Variants in SMAD9 observed in about 807,000 individuals in gnomAD.
SMAD9 encodes MAD homolog 9.
SMAD9 carries 36 observed loss-of-function variants against 46.1 expected under a neutral mutation model. The observed-to-expected ratio is 0.78, with a 90% CI of 0.60 to 1.03. The LOEUF (loss-of-function observed/expected upper bound fraction) is 1.03, where lower values mean the gene tolerates loss of function less well. Among genes scored for constraint, SMAD9 ranks in the 50% least tolerant of loss-of-function variants. SMAD9 has a pLI of 0.00. For missense variants in SMAD9, 572 were observed against 599.8 expected (o/e 0.95, Z 0.48); for synonymous variants, 245 against 237.1 (o/e 1.03, Z -0.31).
intron 5 of SMAD9, among the ~76,000 whole-genome samples, chr13:36,861,974 TAATCTC>T (rs1361957600): frequency 2.6e-5 from 4 of 151,882 alleles, no homozygotes; most frequent in African/African-American, 9.7e-5. Flanking sequence ...ACCGTCTAAT[TAATCTC>T]AATAGAACAG....
chr13:36,913,795 A>T (rs1270016224), intron 1 of SMAD9, among the ~76,000 whole-genome samples: 1 of 152,234 alleles, frequency 6.6e-6, no homozygotes, highest in African/African-American at 2.4e-5. Context: ...AAGAATGACT[A>T]AATGCATAAA....
At chr13:36,856,311 C>T (rs1192109872) in intron 5 of SMAD9, among the ~76,000 whole-genome samples, 1 of 152,182 alleles carries the variant, frequency 6.6e-6, no homozygotes, top group Non-Finnish European at 1.5e-5. Context: ...CTCTCAAAAC[C>T]TATTACATAA....
At chr13:36,859,350 G>A (rs947239412) in intron 5 of SMAD9, among the ~76,000 whole-genome samples, 7 of 152,168 alleles carry the variant, frequency 4.6e-5, no homozygotes, top group Non-Finnish European at 1.0e-4. Context: ...TCCGTCTTGA[G>A]TAGAAGCTGG....
chr13:36,851,395 AATGAGGCCCACCCTC>A (rs2058073587), intron 6 of SMAD9, among the ~76,000 whole-genome samples: 1 of 151,944 alleles, frequency 6.6e-6, no homozygotes, highest in Admixed American at 6.6e-5. Context: ...TCACCTTTTC[AATGAGGCCCACCCTC>A]ATGTGCAGAT....
chr13:36,919,926 C>A (rs1312350771), intron 1 of SMAD9, among the ~76,000 whole-genome samples, 190 bp downstream of exon 1: 1 of 151,378 alleles, frequency 6.6e-6, no homozygotes, highest in Non-Finnish European at 1.5e-5. Context: ...CCAGGCTGCC[C>A]CGAGGACGAA....
chr13:36,852,910 T>C (rs1034381254), intron 6 of SMAD9, among the ~76,000 whole-genome samples: 1 of 152,364 alleles, frequency 6.6e-6, no homozygotes, highest in Non-Finnish European at 1.5e-5. Flanking sequence ...TCAAAAGTAA[T>C]GTGTAACAAT....
chr13:36,905,445 C>T (rs2058610999), intron 1 of SMAD9, among the ~76,000 whole-genome samples: 1 of 151,966 alleles, frequency 6.6e-6, no homozygotes, highest in Non-Finnish European at 1.5e-5. Flanking sequence ...AAAGGCAGAA[C>T]TGGAGCCGTT....
At position 36,872,673 on chromosome 13, in the gene SMAD9, G is replaced by A. The variant is rs769704107; in HGVS notation, c.655C>T (p.Pro219Ser). ...SPGSPSEPES[P>S]YQHSVDTPPL... is the part of the protein sequence containing the mutation. ...TCTTACTGACCTGAGTGTTGATAGG[G>A]ACTCTCTGGCTCAGAAGGACTTCCT... is the stretch of plus-strand genomic sequence containing the variant. The change falls in exon 3 of 7, where the codon CCC becomes TCC. Residue 219 changes from proline (P) to serine (S), a missense_variant. Transcript: ENST00000379826. The A allele has an allele frequency of 1.2e-6, 2 of 1,613,888 alleles. No homozygotes were observed. Among genetic ancestry groups the A allele is most frequent in the Admixed American group, 3.3e-5 (2 of 59,980 alleles).
chr13:36,904,713 T>C (rs750428597), intron 1 of SMAD9, among the ~76,000 whole-genome samples: 2 of 152,230 alleles, frequency 1.3e-5, no homozygotes, highest in African/African-American at 2.4e-5. Flanking sequence ...CATATTTCTA[T>C]TTTCACTTGG....
At chr13:36,873,286 C>A (rs568087015) in intron 2 of SMAD9, among the ~76,000 whole-genome samples, 18 of 152,308 alleles carry the variant, frequency 1.2e-4, no homozygotes, top group African/African-American at 4.3e-4. Context: ...CTTCTGGCAA[C>A]CTGATTGTTA....
chr13:36,884,674 A>G (rs183674474), intron 1 of SMAD9, among the ~76,000 whole-genome samples: 438 of 152,302 alleles, frequency 2.9e-3, no homozygotes, highest in Non-Finnish European at 4.7e-3. Context: ...CTTTAAGTTG[A>G]CGGTTTTAAA....
intron 1 of SMAD9, among the ~76,000 whole-genome samples, chr13:36,892,160 A>G (rs2058493354): frequency 6.6e-6 from 1 of 152,192 alleles, no homozygotes; most frequent in South Asian, 2.1e-4. Context: ...GAAAACTTAA[A>G]CTGGAGCCAC....
chr13:36,869,517 C>T (rs940735408), intron 3 of SMAD9, among the ~76,000 whole-genome samples: 5 of 152,040 alleles, frequency 3.3e-5, no homozygotes, highest in South Asian at 2.1e-4. Context: ...CCACTGCACC[C>T]GGCTAGACTG....
At chr13:36,867,414 T>A in intron 3 of SMAD9, 31 bp from the exon 4 acceptor site, 1 of 1,406,628 alleles carries the variant, frequency 7.1e-7, no homozygotes, top group Non-Finnish European at 9.8e-7. Flanking sequence ...AAAGGAATTG[T>A]CAAATCGATA....
intron 3 of SMAD9, among the ~76,000 whole-genome samples, chr13:36,871,659 T>C (rs1041031172): frequency 7.9e-5 from 12 of 152,140 alleles, no homozygotes; most frequent in African/African-American, 2.7e-4. Flanking sequence ...ATGGGGAAAA[T>C]AGACACACAG....
At chr13:36,899,030 C>CA (rs972237000) in intron 1 of SMAD9, among the ~76,000 whole-genome samples, 19 of 150,396 alleles carry the variant, frequency 1.3e-4, no homozygotes, top group Admixed American at 2.7e-4. Context: ...AGAAATCTAC[C>CA]AAAAAAAAAT....
At chr13:36,866,631 CTT>C (rs2058237499) in intron 4 of SMAD9, among the ~76,000 whole-genome samples, 1 of 152,064 alleles carries the variant, frequency 6.6e-6, no homozygotes, top group African/African-American at 2.4e-5. Flanking sequence ...ACAAAAGGAT[CTT>C]AGCTTATAAA....
In SMAD9 at chr13:36,897,073, A is replaced by C. The variant is rs187650364; in HGVS notation, c.-186-17198T>G. ...CTGCTAAAACAAAAACAAAAACAAA[A>C]TCTGGAGGCATTTTCCCTCTAGTCA... On this transcript the variant is annotated intron_variant, in intron 1 of 6. Coordinates refer to ENST00000379826, the MANE Select transcript of SMAD9 (RefSeq NM_001127217.3). Among the ~76,000 whole-genome samples the C allele has an allele frequency of 2.0e-3, 307 of 152,324 alleles. 2 individuals carry two copies. The highest frequency in any genetic ancestry group is 6.7e-3 in the African/African-American group (278 of 41,570).
intron 6 of SMAD9, among the ~76,000 whole-genome samples, chr13:36,849,140 T>G (rs551096956): frequency 9.9e-5 from 15 of 152,212 alleles, no homozygotes; most frequent in Non-Finnish European, 1.9e-4. Context: ...CTTGACCTTT[T>G]GTTCACCCCT....
Sources: gnomAD v4.1 joint callset for allele counts (sites outside exome capture counted in the v4.1 genomes callset) on GRCh38, gnomAD v4.1.1 for gene constraint, MANE v1.5 for transcripts, NCBI Gene and HGNC (gene_info 2026-07-23, HGNC 2026-07-21) for gene names.